GRID1: variants seen among roughly 807,000 people sequenced by gnomAD.
GRID1 encodes glutamate receptor ionotropic, delta-1.
A neutral mutation model predicts 98.0 loss-of-function variants in GRID1; 28 were observed. That is an observed-to-expected ratio of 0.29 (90% CI 0.21 to 0.39). The LOEUF (loss-of-function observed/expected upper bound fraction) is 0.39. GRID1 is among the 10% of genes least tolerant of loss of function. The pLI is 1.00. For synonymous variants in GRID1, 553 were observed against 538.5 expected (o/e 1.03, Z -0.37); for missense variants, 1,111 against 1,340.5 (o/e 0.83, Z 2.67).
intron 2 of GRID1, among the ~76,000 whole-genome samples, chr10:86,250,656 C>T (rs1029163988): frequency 2.6e-4 from 40 of 151,384 alleles, no homozygotes; most frequent in Non-Finnish European, 4.7e-4. Flanking sequence ...GGGCAGCCCC[C>T]GCCTGGCCAG....
At position 86,099,538 on chromosome 10, in the gene GRID1, T is replaced by C. The variant is rs139363392; in HGVS notation, c.726+39281A>G. ...CAGAATCTGCCACTCAAGGTCAAAT[T>C]CATCTTTCTGAAGTTTCACATTGGA... On this transcript the variant is annotated intron_variant, in intron 4 of 15. Transcript: ENST00000327946. Among the ~76,000 whole-genome samples, 1,387 of 151,714 alleles carry C rather than the reference T, an allele frequency of 9.1e-3. 11 individuals are homozygous for C. The highest frequency in any genetic ancestry group is 0.017 in the Middle Eastern group (5 of 292).
At chr10:86,347,712 C>T (rs1280655761) in intron 2 of GRID1, among the ~76,000 whole-genome samples, 1 of 152,188 alleles carries the variant, frequency 6.6e-6, no homozygotes, top group African/African-American at 2.4e-5. Flanking sequence ...AGCGATGCAG[C>T]CTCTGGCCTT....
chr10:86,160,870 T>C (rs1845311859), intron 3 of GRID1, among the ~76,000 whole-genome samples: 2 of 152,206 alleles, frequency 1.3e-5, no homozygotes, highest in Non-Finnish European at 2.9e-5. Context: ...CCAAAAGCTG[T>C]TCTCTTAAAA....
At chr10:86,160,358 C>G (rs1028819925) in intron 3 of GRID1, among the ~76,000 whole-genome samples, 2 of 152,230 alleles carry the variant, frequency 1.3e-5, no homozygotes, top group Non-Finnish European at 2.9e-5. Flanking sequence ...CCCCTCCCCT[C>G]CCAGCTGCCA....
chr10:85,880,808 A>C (rs1185972718), intron 5 of GRID1, among the ~76,000 whole-genome samples: 1 of 152,160 alleles, frequency 6.6e-6, no homozygotes, highest in Non-Finnish European at 1.5e-5. Context: ...AAGGGTATTC[A>C]ATTAGGAAAA....
At chr10:85,798,073 T>C (rs992922137) in intron 8 of GRID1, among the ~76,000 whole-genome samples, 3 of 152,364 alleles carry the variant, frequency 2.0e-5, no homozygotes, top group Middle Eastern at 3.4e-3. Context: ...GTGATGACCA[T>C]ATGAGTACGT....
chr10:85,921,932 T>C (rs1362464979), intron 4 of GRID1, among the ~76,000 whole-genome samples: 3 of 152,162 alleles, frequency 2.0e-5, no homozygotes, highest in African/African-American at 7.2e-5. Context: ...ACACACCTCA[T>C]TTACTCCCAA....
At position 86,007,407 on chromosome 10, in the gene GRID1, C is replaced by G. The variant is rs1261022934; in HGVS notation, c.727-91168G>C. Among the ~76,000 whole-genome samples the G allele has an allele frequency of 2.6e-5, 4 of 152,296 alleles. No individual in the cohort carries two copies. The East Asian group carries it at 7.7e-4, about 29-fold the overall frequency. The stretch of plus-strand genomic sequence containing the variant: ...GTCGCAGCACCGCTCCGCACCCCCC[C>G]ACCTCCAATATTGCTGCTTGCCTCA... On this transcript the variant is annotated intron_variant, in intron 4 of 15. Coordinates refer to ENST00000327946, the MANE Select transcript of GRID1 (RefSeq NM_017551.3).
At chr10:85,880,430 C>A (rs1467887572) in intron 5 of GRID1, among the ~76,000 whole-genome samples, 2 of 152,120 alleles carry the variant, frequency 1.3e-5, no homozygotes, top group Non-Finnish European at 1.5e-5. Context: ...CACCATGATC[C>A]AGTGGGCTTC....
intron 2 of GRID1, among the ~76,000 whole-genome samples, chr10:86,356,371 A>G (rs1389141955): frequency 6.6e-6 from 1 of 152,208 alleles, no homozygotes; most frequent in African/African-American, 2.4e-5. Flanking sequence ...AATGGTAAAG[A>G]GGCAATTCTG....
chr10:86,273,163 T>C (rs1847211585), intron 2 of GRID1, among the ~76,000 whole-genome samples: 1 of 151,572 alleles, frequency 6.6e-6, no homozygotes, highest in South Asian at 2.1e-4. Flanking sequence ...ACATGCGGTG[T>C]TTGGTTTTTT....
chr10:86,123,085 T>C (rs1047430276), intron 4 of GRID1, among the ~76,000 whole-genome samples: 1 of 152,184 alleles, frequency 6.6e-6, no homozygotes, highest in Non-Finnish European at 1.5e-5. Flanking sequence ...CATGTCATGA[T>C]TTTGGTTCCG....
chr10:85,915,202 ATACT>A (rs1841596327), intron 5 of GRID1, among the ~76,000 whole-genome samples: 1 of 152,096 alleles, frequency 6.6e-6, no homozygotes, highest in African/African-American at 2.4e-5. Context: ...ACACACAAAC[ATACT>A]TACACACACG....
rs267602598 is a variant in GRID1, at chr10:85,724,513, C to T, written c.1697G>A (p.Trp566Ter). Residue 566 changes from tryptophan to a stop codon, truncating the protein, a stop_gained, in exon 11 of 16, where the codon TGG becomes TAG. Transcript: ENST00000327946. LOFTEE classifies it high-confidence loss of function. The stretch of plus-strand genomic sequence containing the variant: ...AGGGATGGCTGCTGCAATGCAGGCC[C>T]ACACAGCGAAATCAAATGGAGCAAA... ...SLFAPFDFAV[W>*]ACIAAAIPVV... The T allele has an allele frequency of 6.2e-7, 1 of 1,614,100 alleles. No individual in the cohort carries two copies. The highest frequency in any genetic ancestry group is 8.5e-7 in the Non-Finnish European group (1 of 1,180,016).
chr10:86,125,313 T>C (rs1357605669), intron 4 of GRID1, among the ~76,000 whole-genome samples: 1 of 152,206 alleles, frequency 6.6e-6, no homozygotes, highest in Non-Finnish European at 1.5e-5. Context: ...AGAGTCAGTG[T>C]GCCCCAAATG....
At chr10:86,355,006 C>G (rs933029594) in intron 2 of GRID1, among the ~76,000 whole-genome samples, 3 of 152,208 alleles carry the variant, frequency 2.0e-5, no homozygotes, top group African/African-American at 7.2e-5. Flanking sequence ...ACTGCCCAGC[C>G]CAGAACAGGA....
At chr10:85,673,212 G>A (rs1230997888) in intron 12 of GRID1, among the ~76,000 whole-genome samples, 1 of 152,162 alleles carries the variant, frequency 6.6e-6, no homozygotes, top group Admixed American at 6.6e-5. Context: ...AACTTAAATG[G>A]GTGAACATTT....
At chr10:86,045,872 A>G (rs764920985) in intron 4 of GRID1, among the ~76,000 whole-genome samples, 6 of 152,210 alleles carry the variant, frequency 3.9e-5, no homozygotes, top group Non-Finnish European at 8.8e-5. Context: ...CTGAAACCGT[A>G]GTTTAGAGAG....
intron 4 of GRID1, among the ~76,000 whole-genome samples, chr10:86,016,778 TTTATGTGTA>T (rs1359886651): frequency 3.9e-5 from 6 of 152,180 alleles, no homozygotes. Context: ...AGCACCCTCT[TTTATGTGTA>T]TTATTCCATC....
Sources: allele counts gnomAD v4.1 joint callset (sites outside exome capture counted in the v4.1 genomes callset), GRCh38; gene constraint gnomAD v4.1.1; transcripts MANE v1.5; gene names NCBI Gene and HGNC (gene_info 2026-07-23, HGNC 2026-07-21).